The following PHTF1 variants were observed in gnomAD, a reference collection of about 807,000 sequenced individuals.
PHTF1 encodes the protein putative homeodomain transcription factor 1.
PHTF1 carries 88 observed loss-of-function variants against 102.4 expected under a neutral mutation model. The ratio of observed to expected loss-of-function variants is 0.86; its 90% CI spans 0.72 to 1.03. The LOEUF (loss-of-function observed/expected upper bound fraction) is 1.03, where lower values mean the gene tolerates loss of function less well. Ranked by LOEUF, PHTF1 falls within the 50% of genes least tolerant of loss-of-function variation. The pLI is 0.00. For synonymous variants in PHTF1, 289 were observed against 305.2 expected (o/e 0.95, Z 0.55); for missense variants, 814 against 909.5 (o/e 0.89, Z 1.35).
At position 113,736,259 on chromosome 1, in the gene PHTF1, G is replaced by A. The variant is rs558365541; in HGVS notation, c.331+1851C>T. 6.2e-4 allele frequency among the ~76,000 whole-genome samples: 93 copies of A among 149,636 alleles called. 2 individuals are homozygous for A. Among genetic ancestry groups the A allele is most frequent in the South Asian group, 2.8e-3 (13 of 4,702 alleles). On this transcript the variant is annotated intron_variant, in intron 5 of 18. Coordinates refer to ENST00000369604, the MANE Select transcript of PHTF1 (RefSeq NM_001323043.2). ...CGGGAGGCTGAGGCAAGGGAATGGC[G>A]TGAACCCAGGAGGCAGAGCTTGCAG...
At position 113,710,435 on chromosome 1, in the gene PHTF1, T is replaced by C. The variant is rs1650892742; in HGVS notation, c.1088A>G (p.Asn363Ser). 6.2e-7 allele frequency: 1 copy of C among 1,614,124 alleles called. No homozygotes were observed. The highest frequency in any genetic ancestry group is 8.5e-7 in the Non-Finnish European group (1 of 1,180,002). ...SGVSGGSRSL[N>S]MSRRDSESTR... ...GCTTTCTGAGTCTCTTCTTGACATG[T>C]TGAGGCTTCGAGAGCCACCACTCAC... is the stretch of plus-strand genomic sequence containing the variant. The change falls in exon 11 of 19, where the codon AAC becomes AGC. Residue 363 changes from asparagine to serine, a missense_variant. Transcript: ENST00000369604.
intron 17 of PHTF1, chr1:113,699,302 T>C (rs1649184193): frequency 3.5e-6 from 1 of 284,648 alleles, no homozygotes; most frequent in South Asian, 3.5e-5. Context: ...TTGACCATGA[T>C]TATAGCCCCA....
chr1:113,751,591 C>A (rs143248520), intron 3 of PHTF1, among the ~76,000 whole-genome samples: 243 of 152,124 alleles, frequency 1.6e-3, no homozygotes, highest in Non-Finnish European at 2.9e-3. Flanking sequence ...TTGTTTATAC[C>A]AATTGATTCA....
intron 3 of PHTF1, chr1:113,749,616 T>C (rs912246967): frequency 6.6e-6 from 1 of 152,240 alleles, no homozygotes; most frequent in African/African-American, 2.4e-5. Flanking sequence ...AGGGTAACTA[T>C]GTGGCTACAT....
chr1:113,729,801 T>TG (rs944405081), intron 5 of PHTF1, among the ~76,000 whole-genome samples: 3 of 152,174 alleles, frequency 2.0e-5, no homozygotes, highest in Non-Finnish European at 4.4e-5. Flanking sequence ...TGAAGGGTGA[T>TG]GGAGACTGCA....
intron 7 of PHTF1, among the ~76,000 whole-genome samples, chr1:113,724,338 G>A (rs1653482840): frequency 6.6e-6 from 1 of 152,000 alleles, no homozygotes; most frequent in Admixed American, 6.6e-5. Flanking sequence ...TCAGGAATTC[G>A]ATATCAGCCT....
intron 5 of PHTF1, among the ~76,000 whole-genome samples, chr1:113,733,344 C>G (rs1055785448): frequency 6.6e-6 from 1 of 151,960 alleles, no homozygotes; most frequent in African/African-American, 2.4e-5. Flanking sequence ...ATTCTTTGAT[C>G]TGTTAATTCT....
chr1:113,743,681 CTT>C (rs1185178428), intron 3 of PHTF1, among the ~76,000 whole-genome samples: 2 of 152,150 alleles, frequency 1.3e-5, no homozygotes, highest in African/African-American at 4.8e-5. Context: ...CGTGCTATGA[CTT>C]TAGGATGGCT....
chr1:113,725,537 A>G (rs1417645543), intron 6 of PHTF1: 1 of 152,266 alleles, frequency 6.6e-6, no homozygotes, highest in Non-Finnish European at 1.5e-5. Context: ...AGGGAAGATA[A>G]CATAACTTTT....
intron 5 of PHTF1, among the ~76,000 whole-genome samples, chr1:113,732,623 C>T (rs1409093092): frequency 6.6e-6 from 1 of 152,056 alleles, no homozygotes; most frequent in East Asian, 1.9e-4. Context: ...AGTCCAGAAA[C>T]ATACCATGGC....
chr1:113,721,670 CA>C (rs1161724007), intron 7 of PHTF1, among the ~76,000 whole-genome samples: 1 of 152,100 alleles, frequency 6.6e-6, no homozygotes, highest in Non-Finnish European at 1.5e-5. Flanking sequence ...TTGCAGGATA[CA>C]AAATTGACAT....
At chr1:113,724,465 C>G (rs905725494) in intron 7 of PHTF1, among the ~76,000 whole-genome samples, 9 of 145,754 alleles carry the variant, frequency 6.2e-5, no homozygotes, top group African/African-American at 2.3e-4. Flanking sequence ...CGCTTGAACT[C>G]AAGAGGCAGA....
rs1020585791 is a variant in PHTF1 at position 113,759,390 on chromosome 1, C to A, written c.-398G>T. The A allele has an allele frequency of 6.6e-6, 1 of 152,068 alleles. No individual in the cohort carries two copies. Among genetic ancestry groups the A allele is most frequent in the African/African-American group, 2.4e-5 (1 of 41,352 alleles). The allele number at this position is 152,068 out of a possible 1,614,324, so 9.4% of individuals were successfully genotyped here. The stretch of plus-strand genomic sequence containing the variant: ...AGCTGGAAAAGACAGGTGCAAAGGC[C>A]CCGGACCCCGAGAGCCCGGGAGCCC... On this transcript the variant is annotated 5_prime_UTR_variant, in exon 1 of 19. Transcript: ENST00000369604.
chr1:113,703,600 A>G (rs1279566122), intron 15 of PHTF1, among the ~76,000 whole-genome samples: 2 of 152,040 alleles, frequency 1.3e-5, no homozygotes, highest in East Asian at 1.9e-4. Context: ...GCCTCACACA[A>G]TCCTCCCACA....
chr1:113,739,683 T>C (rs1178473319), intron 3 of PHTF1, among the ~76,000 whole-genome samples: 10 of 152,322 alleles, frequency 6.6e-5, no homozygotes. Flanking sequence ...TATTCCTATC[T>C]AGCTGTACTT....
At chr1:113,711,312 T>C (rs1651060077) in intron 10 of PHTF1, among the ~76,000 whole-genome samples, 1 of 152,164 alleles carries the variant, frequency 6.6e-6, no homozygotes, top group Non-Finnish European at 1.5e-5. Context: ...CACCATCTAC[T>C]CTGCTCACCT....
chr1:113,704,635 CAT>C, intron 14 of PHTF1, 29 bp downstream of exon 14: 1 of 1,520,222 alleles, frequency 6.6e-7, no homozygotes, highest in Non-Finnish European at 9.0e-7. Context: ...TATTCTTGCA[CAT>C]ACTCTATTGT....
chr1:113,735,782 A>T (rs994588059), intron 5 of PHTF1, among the ~76,000 whole-genome samples: 1 of 152,186 alleles, frequency 6.6e-6, no homozygotes, highest in African/African-American at 2.4e-5. Flanking sequence ...TCTTAAAAAA[A>T]TTTTTAACTG....
intron 3 of PHTF1, among the ~76,000 whole-genome samples, chr1:113,753,814 A>G (rs970874593): frequency 4.0e-5 from 6 of 151,512 alleles, no homozygotes; most frequent in African/African-American, 1.5e-4. Flanking sequence ...AGCTGGGACC[A>G]CAGGCAGATG....
Sources: allele counts gnomAD v4.1 joint callset (sites outside exome capture counted in the v4.1 genomes callset), GRCh38; gene constraint gnomAD v4.1.1; transcripts MANE v1.5; gene names NCBI Gene and HGNC (gene_info 2026-07-23, HGNC 2026-07-21).